Variants in BRIP1 observed in about 807,000 individuals in gnomAD.
The protein encoded by BRIP1 is Fanconi anemia group J protein.
BRIP1 carries 88 observed loss-of-function variants against 119.7 expected under a neutral mutation model. The ratio of observed to expected loss-of-function variants is 0.74; its 90% CI spans 0.62 to 0.88. The LOEUF (loss-of-function observed/expected upper bound fraction) is 0.88. Ranked by LOEUF, BRIP1 falls within the 40% of genes least tolerant of loss-of-function variation. The pLI is 0.00. For missense variants in BRIP1, 1,259 were observed against 1,455.4 expected (o/e 0.87, Z 2.20); for synonymous variants, 443 against 496.5 (o/e 0.89, Z 1.43).
chr17:61,800,880 A>C (rs2070756325), intron 8 of BRIP1, among the ~76,000 whole-genome samples: 1 of 152,218 alleles, frequency 6.6e-6, no homozygotes, highest in South Asian at 2.1e-4. Context: ...CACAAATGCC[A>C]TTATCTGAAG....
chr17:61,781,417 T>C (rs956737109), intron 11 of BRIP1, among the ~76,000 whole-genome samples: 5 of 152,212 alleles, frequency 3.3e-5, no homozygotes, highest in African/African-American at 1.2e-4. Flanking sequence ...AGGTGGGTTA[T>C]ACTTTTTTAT....
chr17:61,778,848 G>A lies in BRIP1; in HGVS notation c.1935+1413C>T, dbSNP rs1385705120. Among the ~76,000 whole-genome samples, 5 of 152,156 alleles carry A rather than the reference G, an allele frequency of 3.3e-5. No individual in the cohort carries two copies. Among genetic ancestry groups the A allele is most frequent in the Admixed American group, 2.6e-4 (4 of 15,268 alleles). On this transcript the variant is annotated intron_variant, in intron 13 of 19. Coordinates refer to ENST00000259008, the MANE Select transcript of BRIP1 (RefSeq NM_032043.3). This position sits in a 1 kb window ranked among gnomAD's most constrained non-coding sequence, Gnocchi z 4.4. The stretch of plus-strand genomic sequence containing the variant: ...TCTAGGTTCCCAACTACCAAATGCC[G>A]TAGTTGCTCCCAAGTAATTGTGAGG...
intron 16 of BRIP1, among the ~76,000 whole-genome samples, chr17:61,727,780 C>G (rs2076786588): frequency 6.8e-6 from 1 of 147,000 alleles, no homozygotes; most frequent in African/African-American, 2.5e-5. Context: ...GTCTCTCTCT[C>G]TCTCTCTCTC....
In BRIP1 at chr17:61,843,022, G is replaced by A. The variant is rs2078679284; in HGVS notation, c.627+4079C>T. On this transcript the variant is annotated intron_variant, in intron 6 of 19. Coordinates refer to ENST00000259008, the MANE Select transcript of BRIP1 (RefSeq NM_032043.3). This position sits in a 1 kb window ranked among gnomAD's most constrained non-coding sequence, Gnocchi z 5.7. ...ATGTGGTGTGTATGTGTATGTCAAT[G>A]GAATATTAGCCCTAAAAAAGATCCT... Among the ~76,000 whole-genome samples the A allele has an allele frequency of 6.6e-6, 1 of 152,182 alleles. No individual in the cohort carries two copies. Among genetic ancestry groups the A allele is most frequent in the Admixed American group, 6.5e-5 (1 of 15,274 alleles).
rs1321991551 is a variant in BRIP1 at position 61,759,848 on chromosome 17, G to C, written c.2098-15257C>G. On this transcript the variant is annotated intron_variant, in intron 14 of 19. Coordinates refer to ENST00000259008, the MANE Select transcript of BRIP1 (RefSeq NM_032043.3). This position sits in a 1 kb window ranked among gnomAD's most constrained non-coding sequence, Gnocchi z 4.9. Reference sequence around the variant, plus strand: ...TAGTATTGGAAAAATGGTGACAATAGACTTGCTTGACACAGGGTTGCCACA... The same window carrying C: ...TAGTATTGGAAAAATGGTGACAATACACTTGCTTGACACAGGGTTGCCACA... 1.3e-5 allele frequency among the ~76,000 whole-genome samples: 2 copies of C among 150,426 alleles called. No individual in the cohort carries two copies. The highest frequency in any genetic ancestry group is 1.3e-4 in the Admixed American group (2 of 15,080).
At position 61,685,909 on chromosome 17, in the gene BRIP1, C is replaced by T. The variant is rs1603276606; in HGVS notation, c.2832G>A (p.Gln944=). ...TAATAATTTTAGGACACTGTAGTTCCTGGACACATATCTTTGCTTCATCTT... is the reference window on the plus strand; with the variant it reads ...TAATAATTTTAGGACACTGTAGTTCTTGGACACATATCTTTGCTTCATCTT... ...FVEDEAKICV[Q]ELQCPKIITK... The change falls in exon 19 of 20, where the codon CAG becomes CAA. Residue 944 remains glutamine, a synonymous_variant. Transcript: ENST00000259008. 6.2e-7 allele frequency: 1 copy of T among 1,614,012 alleles called. No homozygotes were observed. The highest frequency in any genetic ancestry group is 8.5e-7 in the Non-Finnish European group (1 of 1,179,934).
Position 61,860,823 on chromosome 17 carries a change from C to T in BRIP1, c.93+624G>A, listed in dbSNP as rs531144682. Reference sequence around the variant, plus strand: ...TAAAATGGATTAAGAATCAACAGGGCTATACATTAAAAATAATGCTAAGTT... The same window carrying T: ...TAAAATGGATTAAGAATCAACAGGGTTATACATTAAAAATAATGCTAAGTT... On this transcript the variant is annotated intron_variant, in intron 2 of 19. Transcript: ENST00000259008. The surrounding 1 kb of genome is among the most constrained non-coding windows in gnomAD (Gnocchi z 4.1). Among the ~76,000 whole-genome samples the T allele has an allele frequency of 3.4e-4, 52 of 152,164 alleles. 2 individuals are homozygous for T. The highest frequency in any genetic ancestry group is 1.7e-3 in the Admixed American group (26 of 15,280).
rs1032425979 is a variant in BRIP1 at position 61,743,500 on chromosome 17, A to C, written c.2258-366T>G. Among the ~76,000 whole-genome samples the C allele has an allele frequency of 1.3e-5, 2 of 152,148 alleles. No homozygotes were observed. The highest frequency in any genetic ancestry group is 4.8e-5 in the African/African-American group (2 of 41,440). On this transcript the variant is annotated intron_variant, in intron 15 of 19. Coordinates refer to ENST00000259008, the MANE Select transcript of BRIP1 (RefSeq NM_032043.3). This position sits in a 1 kb window ranked among gnomAD's most constrained non-coding sequence, Gnocchi z 4.3. ...ACCACCTGAAAGTAAAATTCTCAGAATAATTGAAATAATTGTAATTGATAA... is the reference window on the plus strand; with the variant it reads ...ACCACCTGAAAGTAAAATTCTCAGACTAATTGAAATAATTGTAATTGATAA...
Position 61,736,292 on chromosome 17 carries a change from C to T in BRIP1, c.2379+6721G>A, listed in dbSNP as rs1207314665. Among the ~76,000 whole-genome samples, 3 of 152,006 alleles carry T rather than the reference C, an allele frequency of 2.0e-5. No individual in the cohort carries two copies. The highest frequency in any genetic ancestry group is 1.5e-5 in the Non-Finnish European group (1 of 68,004). Reference sequence around the variant, plus strand: ...GCAGTGAGCTATGATTGTGCCACTGCACTCCAACCTGGGCGACAGAACAAG... The same window carrying T: ...GCAGTGAGCTATGATTGTGCCACTGTACTCCAACCTGGGCGACAGAACAAG... On this transcript the variant is annotated intron_variant, in intron 16 of 19. Transcript: ENST00000259008. This position sits in a 1 kb window ranked among gnomAD's most constrained non-coding sequence, Gnocchi z 4.4.
rs2077024026 is a variant in BRIP1 at position 61,744,086 on chromosome 17, A to G, written c.2257+346T>C. ...CCTTATGTAATAGAATACAAGCACC[A>G]AGTGTACTAAATGCATCAGAATATA... On this transcript the variant is annotated intron_variant, in intron 15 of 19. Transcript: ENST00000259008. This position sits in a 1 kb window ranked among gnomAD's most constrained non-coding sequence, Gnocchi z 5.0. 6.6e-6 allele frequency among the ~76,000 whole-genome samples: 1 copy of G among 152,190 alleles called. No homozygotes were observed. The highest frequency in any genetic ancestry group is 1.5e-5 in the Non-Finnish European group (1 of 68,030).
intron 4 of BRIP1, among the ~76,000 whole-genome samples, chr17:61,854,441 T>C (rs2078865407): frequency 2.6e-5 from 4 of 152,094 alleles, no homozygotes; most frequent in African/African-American, 7.2e-5. Flanking sequence ...GCACGGTGGC[T>C]CACGCCTGTA....
At chr17:61,716,717 C>A (rs1449540440) in intron 16 of BRIP1, among the ~76,000 whole-genome samples, 1 of 27,572 alleles carries the variant, frequency 3.6e-5, no homozygotes, top group Non-Finnish European at 7.1e-5. Flanking sequence ...TTCCCCCCTA[C>A]CCCCCCAATC....
At chr17:61,765,384 TATATATATATA>T (rs2077342638) in intron 14 of BRIP1, among the ~76,000 whole-genome samples, 3 of 21,980 alleles carry the variant, frequency 1.4e-4, no homozygotes, top group East Asian at 1.3e-3. Flanking sequence ...ATATATTATA[TATATATATATA>T]TATATATATA....
At chr17:61,771,965 A>C (rs1402501903) in intron 14 of BRIP1, among the ~76,000 whole-genome samples, 1 of 151,880 alleles carries the variant, frequency 6.6e-6, no homozygotes, top group African/African-American at 2.4e-5. Flanking sequence ...CCATCTCAAA[A>C]AAAGAAGTTA....
Position 61,825,105 on chromosome 17 carries a change from G to A in BRIP1, c.628-16348C>T, listed in dbSNP as rs1393557004. 1.3e-5 allele frequency among the ~76,000 whole-genome samples: 2 copies of A among 152,012 alleles called. No homozygotes were observed. The highest frequency in any genetic ancestry group is 2.9e-5 in the Non-Finnish European group (2 of 68,008). ...TCGAGACCATCCTAGCTAACATGGTGAAATCCCGTCTCTACTAAAAATACA... is the reference window on the plus strand; with the variant it reads ...TCGAGACCATCCTAGCTAACATGGTAAAATCCCGTCTCTACTAAAAATACA... On this transcript the variant is annotated intron_variant, in intron 6 of 19. Transcript: ENST00000259008. The surrounding 1 kb of genome is among the most constrained non-coding windows in gnomAD (Gnocchi z 4.1).
rs1603362578 is a variant in BRIP1, at chr17:61,849,162, C to A, written c.474G>T (p.Lys158Asn). The A allele has an allele frequency of 6.2e-7, 1 of 1,613,496 alleles. No individual in the cohort carries two copies. The highest frequency in any genetic ancestry group is 8.5e-7 in the Non-Finnish European group (1 of 1,179,652). The change falls in exon 5 of 20, where the codon AAG becomes AAT. Residue 158 changes from lysine (K) to asparagine (N), a missense_variant. This residue lies in a region of BRIP1 where 501 missense variants were observed against 544.0 expected (regional missense o/e 0.92). Transcript: ENST00000259008. ...RDENDDFQVEKKRIRPLETTQ... is the reference protein window; with the variant it reads ...RDENDDFQVENKRIRPLETTQ... Reference sequence around the variant, plus strand: ...TAGTTTCTAAGGGTCGAATTCTTTTCTTCTCTACTTGAAAATCATCATTTT... The same window carrying A: ...TAGTTTCTAAGGGTCGAATTCTTTTATTCTCTACTTGAAAATCATCATTTT...
At chr17:61,784,512 A>C (rs2077675003) in intron 10 of BRIP1, 88 bp from the exon 11 acceptor site, 1 of 1,229,750 alleles carries the variant, frequency 8.1e-7, no homozygotes, top group Admixed American at 1.9e-5. Flanking sequence ...ACCCAACAAA[A>C]CATGCATTGA....
Position 61,845,882 on chromosome 17 carries a change from GT to G in BRIP1, c.627+1218del, listed in dbSNP as rs1030345847. On this transcript the variant is annotated intron_variant, in intron 6 of 19. Coordinates refer to ENST00000259008, the MANE Select transcript of BRIP1 (RefSeq NM_032043.3). The surrounding 1 kb of genome is among the most constrained non-coding windows in gnomAD (Gnocchi z 4.2). ...TCAAAGACATTCTTAAATGAAACTG[GT>G]TTTTTTTCAAAACTGTGATCTAATG... is the stretch of plus-strand genomic sequence containing the variant. Among the ~76,000 whole-genome samples, 16 of 151,652 alleles carry G rather than the reference GT, an allele frequency of 1.1e-4. No individual in the cohort carries two copies. The highest frequency in any genetic ancestry group is 4.4e-5 in the Non-Finnish European group (3 of 67,922).
Position 61,851,242 on chromosome 17 carries a change from A to G in BRIP1, c.380-1986T>C, listed in dbSNP as rs76272728. Among the ~76,000 whole-genome samples, 3,248 of 152,256 alleles carry G rather than the reference A, an allele frequency of 0.021. 115 individuals are homozygous for G. The highest frequency in any genetic ancestry group is 0.074 in the African/African-American group (3,068 of 41,542). ...GACTCCATCTCAAAAAAAGAAAAAA[A>G]AAGAAATGTTGCTTAAAATTTCCAA... is the stretch of plus-strand genomic sequence containing the variant. On this transcript the variant is annotated intron_variant, in intron 4 of 19. Transcript: ENST00000259008. The surrounding 1 kb of genome is among the most constrained non-coding windows in gnomAD (Gnocchi z 4.6).
Sources: allele counts gnomAD v4.1 joint callset (sites outside exome capture counted in the v4.1 genomes callset), GRCh38; gene constraint gnomAD v4.1.1; regional missense constraint gnomAD v4.1.1; non-coding constraint Gnocchi (gnomAD v3.1); transcripts MANE v1.5; gene names NCBI Gene and HGNC (gene_info 2026-07-23, HGNC 2026-07-21).